The following MARK1 variants were observed in gnomAD, a reference collection of about 807,000 sequenced individuals.
The protein encoded by MARK1 is serine/threonine-protein kinase MARK1.
MARK1 carries 40 observed loss-of-function variants against 96.3 expected under a neutral mutation model. The observed-to-expected ratio is 0.42, with a 90% CI of 0.32 to 0.54. MARK1 has a LOEUF of 0.54. Among genes scored for constraint, MARK1 ranks in the 20% least tolerant of loss-of-function variants. MARK1 has a pLI of 0.16. For missense variants in MARK1, 719 were observed against 984.6 expected, an observed-to-expected ratio of 0.73 and a Z score of 3.61; for synonymous variants, 317 against 341.2, an observed-to-expected ratio of 0.93 and a Z score of 0.78.
intron 6 of MARK1, among the ~76,000 whole-genome samples, chr1:220,604,876 G>A (rs148179747): frequency 1.3e-5 from 2 of 152,220 alleles, no homozygotes; most frequent in African/African-American, 4.8e-5. Flanking sequence ...ATTGTAAATT[G>A]TAAATTGTTC....
chr1:220,556,754 G>A (rs1662292128), intron 1 of MARK1, among the ~76,000 whole-genome samples: 1 of 152,166 alleles, frequency 6.6e-6, no homozygotes, highest in South Asian at 2.1e-4. Flanking sequence ...GAAGTATGTT[G>A]TCACTGAAAT....
chr1:220,655,905 C>T (rs955481100), intron 16 of MARK1, among the ~76,000 whole-genome samples: 9 of 152,292 alleles, frequency 5.9e-5, no homozygotes, highest in African/African-American at 2.2e-4. Context: ...GCTGCTTCCA[C>T]ACCAGCCACA....
chr1:220,659,990 G>T (rs528348468), intron 17 of MARK1, among the ~76,000 whole-genome samples: 1 of 152,292 alleles, frequency 6.6e-6, no homozygotes, highest in South Asian at 2.1e-4. Context: ...GTTTCACCAT[G>T]GTGGCCAGGC....
At chr1:220,579,049 C>T (rs979988384) in intron 1 of MARK1, among the ~76,000 whole-genome samples, 4 of 151,932 alleles carry the variant, frequency 2.6e-5, no homozygotes, top group African/African-American at 7.3e-5. Context: ...ACTGTTTTGG[C>T]GAGGCTGGTC....
chr1:220,560,015 A>G (rs1662553790), intron 1 of MARK1, among the ~76,000 whole-genome samples: 1 of 152,162 alleles, frequency 6.6e-6, no homozygotes, highest in Non-Finnish European at 1.5e-5. Context: ...ACAGTTCCAT[A>G]TGGCTGGGGA....
chr1:220,635,390 A>G lies in MARK1; in HGVS notation c.1137A>G (p.Glu379=). 6.2e-7 allele frequency: 1 copy of G among 1,602,040 alleles called. No individual in the cohort carries two copies. The highest frequency in any genetic ancestry group is 1.8e-5 in the Admixed American group (1 of 56,526). Residue 379 remains glutamate (E), a synonymous_variant, in exon 12 of 18, where the codon GAA becomes GAG. Transcript: ENST00000366917. The part of the protein sequence containing the change: ...GRKPPEFEGG[E]SLSSGNLCQR... ...TCTTCTTATAGTTTGAAGGTGGTGA[A>G]TCGTTATCCAGTGGAAACTTGTGTC...
intron 1 of MARK1, among the ~76,000 whole-genome samples, chr1:220,540,340 G>C (rs1661045689): frequency 6.6e-6 from 1 of 152,134 alleles, no homozygotes; most frequent in Non-Finnish European, 1.5e-5. Context: ...AGCTGAAGAA[G>C]AGAGAAATAA....
chr1:220,596,555 A>G (rs1185810232), intron 3 of MARK1, among the ~76,000 whole-genome samples: 3 of 152,066 alleles, frequency 2.0e-5, no homozygotes, highest in Non-Finnish European at 4.4e-5. Context: ...ACACATACAG[A>G]CTCCCTGGGT....
chr1:220,588,994 T>A (rs917436818), intron 3 of MARK1, among the ~76,000 whole-genome samples: 1 of 152,202 alleles, frequency 6.6e-6, no homozygotes, highest in Non-Finnish European at 1.5e-5. Context: ...GCACAAGAAC[T>A]GTATGCCAGC....
intron 1 of MARK1, among the ~76,000 whole-genome samples, chr1:220,559,395 GT>G (rs1662509704): frequency 6.6e-6 from 1 of 152,200 alleles, no homozygotes; most frequent in Admixed American, 6.5e-5. Context: ...GGCAAACCTG[GT>G]TGGAGTGGGT....
chr1:220,641,672 G>A (rs1668276894), intron 13 of MARK1, among the ~76,000 whole-genome samples: 1 of 151,912 alleles, frequency 6.6e-6, no homozygotes, highest in Non-Finnish European at 1.5e-5. Context: ...CCCACCGAGA[G>A]GAACGCAAAA....
intron 1 of MARK1, among the ~76,000 whole-genome samples, chr1:220,533,585 A>G (rs1660474371): frequency 6.6e-6 from 1 of 152,144 alleles, no homozygotes; most frequent in Admixed American, 6.6e-5. Flanking sequence ...TTCTTAAACG[A>G]TAGCTTTGCT....
rs564364884 is a variant in MARK1, at chr1:220,538,128, T to TTG, written c.51+9255_51+9256insTG. On this transcript the variant is annotated intron_variant, in intron 1 of 17. Transcript: ENST00000366917. ...TGGCTTTTGTTGCCATTGCTTTTGG[T>TTG]GTTTTAGACATGAAGTCCTTGCCCA... 1.8e-3 allele frequency among the ~76,000 whole-genome samples: 265 copies of TTG among 150,722 alleles called. 1 individual carries two copies. The highest frequency in any genetic ancestry group is 6.0e-3 in the African/African-American group (250 of 41,496).
intron 1 of MARK1, among the ~76,000 whole-genome samples, chr1:220,571,481 A>C (rs549521948): frequency 1.3e-5 from 2 of 152,332 alleles, no homozygotes; most frequent in Non-Finnish European, 2.9e-5. Context: ...TGTCACTGAC[A>C]ACATCCACCA....
chr1:220,651,525 C>G lies in MARK1; in HGVS notation c.1572-461C>G, dbSNP rs1356859410. ...TAATCTGCAACAGTTAACCTATTGA[C>G]TCATAATATGATCTAAAAGTGTTTT... On this transcript the variant is annotated intron_variant, in intron 14 of 17. Coordinates refer to ENST00000366917, the MANE Select transcript of MARK1 (RefSeq NM_018650.5). 2.6e-5 allele frequency among the ~76,000 whole-genome samples: 4 copies of G among 152,126 alleles called. No homozygotes were observed. In the South Asian group the frequency reaches 6.2e-4, roughly 24 times the overall value.
chr1:220,586,011 A>ACGCACGCACGCACGCG (rs1553322976), intron 3 of MARK1, among the ~76,000 whole-genome samples: 5 of 148,636 alleles, frequency 3.4e-5, no homozygotes, highest in South Asian at 4.2e-4. Flanking sequence ...ACACACACAC[A>ACGCACGCACGCACGCG]CGCGCGCGTG....
Position 220,657,751 on chromosome 1 carries a change from A to C in MARK1, c.1989-39A>C, listed in dbSNP as rs376385052. 44 of 1,461,230 alleles carry C rather than the reference A, an allele frequency of 3.0e-5. 1 individual carries two copies. The African/African-American group carries it at 3.8e-4, about 13-fold the overall frequency. 90.5% of individuals were successfully genotyped at this position (1,461,230 alleles called of 1,614,324 possible). A position where few individuals can be genotyped will look rare whatever the true frequency, so the allele number is the denominator to read the frequency against. On this transcript the variant is annotated intron_variant, in intron 16 of 17. Coordinates refer to ENST00000366917, the MANE Select transcript of MARK1 (RefSeq NM_018650.5). The stretch of plus-strand genomic sequence containing the variant: ...TATAGGTTTTCTTGATATATTTTTT[A>C]CTTTTATCATTAAATCTCAACCTTC...
intron 5 of MARK1, among the ~76,000 whole-genome samples, chr1:220,600,464 T>G (rs773653336): frequency 6.6e-6 from 1 of 152,350 alleles, no homozygotes; most frequent in Non-Finnish European, 1.5e-5. Flanking sequence ...AAAATAGGAA[T>G]GATTTTGAAA....
intron 1 of MARK1, among the ~76,000 whole-genome samples, chr1:220,547,847 C>T (rs907290130): frequency 2.0e-5 from 3 of 152,064 alleles, no homozygotes; most frequent in Admixed American, 1.3e-4. Context: ...ATTACAGGCG[C>T]GAGCCACCGC....
Sources: allele counts gnomAD v4.1 joint callset (sites outside exome capture counted in the v4.1 genomes callset), GRCh38; gene constraint gnomAD v4.1.1; transcripts MANE v1.5; gene names NCBI Gene and HGNC (gene_info 2026-07-23, HGNC 2026-07-21).